Variants in BAHD1 observed in about 807,000 individuals in gnomAD.
BAHD1 encodes bromo adjacent homology domain containing 1.
A neutral mutation model predicts 63.1 loss-of-function variants in BAHD1; 20 were observed. The ratio of observed to expected loss-of-function variants is 0.32; its 90% CI spans 0.22 to 0.46. The LOEUF is 0.46. BAHD1 is among the 20% of genes least tolerant of loss of function. The probability of loss-of-function intolerance (pLI) is 1.00; values close to 1 mark genes in which losing one functional copy is unlikely to be tolerated. For synonymous variants in BAHD1, 408 were observed against 426.8 expected (o/e 0.96, Z 0.54); for missense variants, 939 against 1,071.8 (o/e 0.88, Z 1.73).
At chr15:40,463,501 C>CA (rs1229064549) in intron 3 of BAHD1, among the ~76,000 whole-genome samples, 1 of 152,164 alleles carries the variant, frequency 6.6e-6, no homozygotes, top group African/African-American at 2.4e-5. Context: ...AATAATTTGT[C>CA]AAAGGCTGTG....
intron 1 of BAHD1, among the ~76,000 whole-genome samples, chr15:40,455,251 G>A (rs987830003): frequency 1.1e-4 from 16 of 152,148 alleles, no homozygotes; most frequent in Admixed American, 8.5e-4. Flanking sequence ...AATGTGACTC[G>A]CACCCTGTGA....
chr15:40,447,567 T>TAAAA (rs1225691813), intron 1 of BAHD1, among the ~76,000 whole-genome samples: 1 of 14,640 alleles, frequency 6.8e-5, no homozygotes, highest in African/African-American at 2.8e-4. Context: ...CCAGAATAAA[T>TAAAA]AAATAAATAA....
Position 40,459,121 on chromosome 15 carries a change from G to A in BAHD1, c.657G>A (p.Arg219=), listed in dbSNP as rs770205531. ...CTTTCCTAAAACTGAGCCAGGAGCG[G>A]GAGCTACCCCTGCGGCTGCCTCGTG... is the stretch of plus-strand genomic sequence containing the variant. ...AAAFLKLSQE[R]ELPLRLPRAH... The change falls in exon 2 of 7, where the codon CGG becomes CGA. Residue 219 remains arginine, a synonymous_variant. Coordinates refer to ENST00000416165, the MANE Select transcript of BAHD1 (RefSeq NM_014952.5). The A allele has an allele frequency of 6.2e-7, 1 of 1,613,076 alleles. No homozygotes were observed. Among genetic ancestry groups the A allele is most frequent in the Non-Finnish European group, 8.5e-7 (1 of 1,179,922 alleles).
chr15:40,451,119 G>A (rs1893686532), intron 1 of BAHD1, among the ~76,000 whole-genome samples: 1 of 143,150 alleles, frequency 7.0e-6, no homozygotes, highest in Non-Finnish European at 1.5e-5. Context: ...ACTCCAGCCT[G>A]GGCAACAAGA....
chr15:40,455,712 G>GGCTCCCAGCC (rs1893830031), intron 1 of BAHD1, among the ~76,000 whole-genome samples: 1 of 152,224 alleles, frequency 6.6e-6, no homozygotes, highest in African/African-American at 2.4e-5. Flanking sequence ...TCTCCACCTT[G>GGCTCCCAGCC]GCTCCCAGCC....
rs1414948890 is a variant in BAHD1 at position 40,459,579 on chromosome 15, A to T, written c.1115A>T (p.Glu372Val). Residue 372 changes from glutamate to valine, a missense_variant, in exon 2 of 7, where the codon GAG (glutamate) becomes GTG (valine). This residue lies in a region of BAHD1 where 797 missense variants were observed against 813.3 expected (regional missense o/e 0.98). Transcript: ENST00000416165. ...TACAATGGCCTGTGTGTTGGGCCTG[A>T]GCTCACTGCACTAGGCAGCTTCTAC... Reference protein sequence around the residue: ...ADYNGLCVGPELTALGSFYLY... With the variant: ...ADYNGLCVGPVLTALGSFYLY... 1 of 1,614,050 alleles carries T rather than the reference A, an allele frequency of 6.2e-7. No homozygotes were observed. The highest frequency in any genetic ancestry group is 8.5e-7 in the Non-Finnish European group (1 of 1,180,036).
chr15:40,464,808 A>C, intron 5 of BAHD1: 1 of 506,974 alleles, frequency 2.0e-6, no homozygotes, highest in Non-Finnish European at 3.6e-6. Flanking sequence ...GCAGGTGCCA[A>C]TGGGAGCAAG....
intron 1 of BAHD1, among the ~76,000 whole-genome samples, chr15:40,456,512 A>G (rs1187604249): frequency 6.6e-6 from 1 of 152,096 alleles, no homozygotes; most frequent in Non-Finnish European, 1.5e-5. Context: ...TCTCCTTTCC[A>G]GTTTTCCGTG....
At chr15:40,443,332 A>G (rs1412426603) in intron 1 of BAHD1, 1 of 983,962 alleles carries the variant, frequency 1.0e-6, no homozygotes, top group Non-Finnish European at 1.2e-6. Flanking sequence ...AAAGGTAGGT[A>G]TTACCTCACT....
At chr15:40,450,903 C>T (rs771921321) in intron 1 of BAHD1, among the ~76,000 whole-genome samples, 23 of 152,020 alleles carry the variant, frequency 1.5e-4, no homozygotes, top group Admixed American at 8.5e-4. Context: ...TTTGGGAATC[C>T]GAGGCAGGCA....
In BAHD1 at chr15:40,459,119, C is replaced by A. The variant is rs143744499; in HGVS notation, c.655C>A (p.Arg219=). 13 of 1,613,042 alleles carry A rather than the reference C, an allele frequency of 8.1e-6. No individual in the cohort carries two copies. The East Asian group carries it at 2.5e-4, about 30-fold the overall frequency. ...AAAFLKLSQE[R]ELPLRLPRAH... ...TGCTTTCCTAAAACTGAGCCAGGAG[C>A]GGGAGCTACCCCTGCGGCTGCCTCG... Residue 219 remains arginine (R), a synonymous_variant, in exon 2 of 7, where the codon CGG becomes AGG. Coordinates refer to ENST00000416165, the MANE Select transcript of BAHD1 (RefSeq NM_014952.5).
chr15:40,460,526 A>G (rs1300570990), intron 2 of BAHD1, among the ~76,000 whole-genome samples: 2 of 152,162 alleles, frequency 1.3e-5, no homozygotes, highest in Admixed American at 6.5e-5. Flanking sequence ...GTTCCCTGAC[A>G]TGGATGGAAT....
rs1431974842 is a variant in BAHD1, at chr15:40,459,778, C to T, written c.1314C>T (p.Tyr438=). The change falls in exon 2 of 7, where the codon TAC becomes TAT. Residue 438 remains tyrosine, a synonymous_variant. Coordinates refer to ENST00000416165, the MANE Select transcript of BAHD1 (RefSeq NM_014952.5). ...ACCCTCCCTGGGGCTCCTCTCGCTA[C>T]TGCTCTAGCGAGGACACTGGAGTGA... ...FQHPPWGSSR[Y]CSSEDTGVNG... The T allele has an allele frequency of 1.2e-6, 2 of 1,613,924 alleles. No homozygotes were observed. Among genetic ancestry groups the T allele is most frequent in the African/African-American group, 1.3e-5 (1 of 75,064 alleles).
rs1178238764 is a variant in BAHD1 at position 40,467,854 on chromosome 15, G to A, written c.*1724G>A. ...TGGGGGCTCTGCAGAGCCAGCCTTG[G>A]AGCCTGCTCATTCTGGGCCCTTGCT... On this transcript the variant is annotated 3_prime_UTR_variant, in exon 7 of 7. Transcript: ENST00000416165. The A allele has an allele frequency of 1.3e-5, 2 of 152,614 alleles. No individual in the cohort carries two copies. Among genetic ancestry groups the A allele is most frequent in the African/African-American group, 2.4e-5 (1 of 41,444 alleles). 9.5% of individuals were successfully genotyped at this position (152,614 alleles called of 1,614,324 possible).
Position 40,459,384 on chromosome 15 carries a change from C to T in BAHD1, c.920C>T (p.Pro307Leu), listed in dbSNP as rs1189349459. 3 of 1,612,596 alleles carry T rather than the reference C, an allele frequency of 1.9e-6. No homozygotes were observed. The highest frequency in any genetic ancestry group is 1.3e-5 in the African/African-American group (1 of 74,920). Reference sequence around the variant, plus strand: ...CCCCTGAGCAAGGCTCTGGAGAGCCCTTTGGGGCTGCGCCCTCACCTGCCC... The same window carrying T: ...CCCCTGAGCAAGGCTCTGGAGAGCCTTTTGGGGCTGCGCCCTCACCTGCCC... ...HQPLSKALES[P>L]LGLRPHLPLL... Residue 307 changes from proline to leucine, a missense_variant, in exon 2 of 7, where the codon CCT (proline) becomes CTT (leucine). Transcript: ENST00000416165.
At chr15:40,447,424 G>A (rs535761080) in intron 1 of BAHD1, among the ~76,000 whole-genome samples, 10 of 151,938 alleles carry the variant, frequency 6.6e-5, no homozygotes, top group Non-Finnish European at 1.3e-4. Context: ...AAAATGAGCC[G>A]GGTCTGGTAG....
chr15:40,438,354 C>G (rs1015410653), upstream of BAHD1, among the ~76,000 whole-genome samples: 1 of 152,192 alleles, frequency 6.6e-6, no homozygotes, highest in Non-Finnish European at 1.5e-5. Context: ...CAGGGTGTAG[C>G]CCCTGCCTAT....
At position 40,461,262 on chromosome 15, in the gene BAHD1, C is replaced by G. The variant is rs144988267; in HGVS notation, c.1433-650C>G. ...TTGCTCTGAGGGGCAGAGTGACTTG[C>G]CTGAAGTCACATGGCTAGTAAGTGG... is the stretch of plus-strand genomic sequence containing the variant. On this transcript the variant is annotated intron_variant, in intron 2 of 6. Coordinates refer to ENST00000416165, the MANE Select transcript of BAHD1 (RefSeq NM_014952.5). Among the ~76,000 whole-genome samples, 508 of 152,264 alleles carry G rather than the reference C, an allele frequency of 3.3e-3. 3 individuals are homozygous for G. The highest frequency in any genetic ancestry group is 0.012 in the African/African-American group (488 of 41,546).
intron 6 of BAHD1, 42 bp downstream of exon 6, chr15:40,465,477 G>C: frequency 6.8e-7 from 1 of 1,478,292 alleles, no homozygotes; most frequent in Non-Finnish European, 9.5e-7. Flanking sequence ...TCTTCCCTCA[G>C]GCTCCCCAGG....
Sources: allele counts gnomAD v4.1 joint callset (sites outside exome capture counted in the v4.1 genomes callset), GRCh38; gene constraint gnomAD v4.1.1; regional missense constraint gnomAD v4.1.1; transcripts MANE v1.5; gene names NCBI Gene and HGNC (gene_info 2026-07-23, HGNC 2026-07-21).